The following GMDS variants were observed in gnomAD, a reference collection of about 807,000 sequenced individuals.
GMDS encodes GDP-mannose 4,6 dehydratase.
In GMDS, 20 loss-of-function variants were observed where a neutral mutation model predicts 49.9. The observed-to-expected ratio is 0.40, with a 90% CI of 0.28 to 0.58. The LOEUF (loss-of-function observed/expected upper bound fraction) is 0.58. GMDS is among the 20% of genes least tolerant of loss of function. The pLI, the probability that GMDS is intolerant of heterozygous loss-of-function variation, is 0.42. For synonymous variants in GMDS, 177 were observed against 178.6 expected (o/e 0.99, Z 0.07); for missense variants, 362 against 481.4 (o/e 0.75, Z 2.32).
chr6:2,102,772 A>C (rs935053487), intron 4 of GMDS, among the ~76,000 whole-genome samples: 2 of 152,242 alleles, frequency 1.3e-5, no homozygotes, highest in African/African-American at 4.8e-5. Flanking sequence ...ATTGTGACTA[A>C]TTCAATTATC....
chr6:2,162,602 C>CA (rs1190174703), intron 1 of GMDS, among the ~76,000 whole-genome samples: 1 of 149,820 alleles, frequency 6.7e-6, no homozygotes, highest in Non-Finnish European at 1.5e-5. Context: ...TTATTGCTAG[C>CA]AAAATTATTC....
chr6:1,677,851 C>T (rs2569849), intron 9 of GMDS, among the ~76,000 whole-genome samples: 31,021 of 150,870 alleles, frequency 0.21, 3,435 homozygotes, highest in East Asian at 0.49. Context: ...ATGTAAATGA[C>T]GCGTTAATGG....
At chr6:1,777,229 C>T (rs577816070) in intron 7 of GMDS, among the ~76,000 whole-genome samples, 37 of 152,364 alleles carry the variant, frequency 2.4e-4, no homozygotes, top group East Asian at 2.1e-3. Context: ...AGGGGAGACG[C>T]GCTGCTGCGC....
rs554038602 is a variant in GMDS, at chr6:1,841,342, A to C, written c.771+88761T>G. On this transcript the variant is annotated intron_variant, in intron 7 of 10. Coordinates refer to ENST00000380815, the MANE Select transcript of GMDS (RefSeq NM_001500.4). ...CTTTATGCAGGGAGGAGGTTGGCTTAAGCATATTTTAGTCCTTTGTAAGAA... is the reference window on the plus strand; with the variant it reads ...CTTTATGCAGGGAGGAGGTTGGCTTCAGCATATTTTAGTCCTTTGTAAGAA... Among the ~76,000 whole-genome samples, 4 of 152,344 alleles carry C rather than the reference A, an allele frequency of 2.6e-5. No individual in the cohort carries two copies. The South Asian group carries it at 8.3e-4, about 32-fold the overall frequency.
intron 7 of GMDS, among the ~76,000 whole-genome samples, chr6:1,847,850 C>T (rs909868493): frequency 3.3e-5 from 5 of 152,018 alleles, no homozygotes; most frequent in Admixed American, 6.5e-5. Flanking sequence ...TCTGGGTGTT[C>T]GAGTACACTG....
chr6:2,142,144 C>T (rs1312100358), intron 1 of GMDS, among the ~76,000 whole-genome samples: 1 of 152,110 alleles, frequency 6.6e-6, no homozygotes, highest in Non-Finnish European at 1.5e-5. Context: ...TTCAATTTTA[C>T]GTTTTTGTCC....
intron 2 of GMDS, among the ~76,000 whole-genome samples, chr6:2,122,524 T>G (rs926439874): frequency 6.8e-6 from 1 of 147,724 alleles, no homozygotes; most frequent in Non-Finnish European, 1.5e-5. Flanking sequence ...AATCAGGGAC[T>G]GCAGCTGATA....
At chr6:2,098,685 A>C (rs530180282) in intron 4 of GMDS, among the ~76,000 whole-genome samples, 1 of 152,330 alleles carries the variant, frequency 6.6e-6, no homozygotes, top group East Asian at 1.9e-4. Context: ...TTGGGGTTAA[A>C]CTATGGCTGA....
chr6:2,074,015 C>T (rs1772169884), intron 4 of GMDS, among the ~76,000 whole-genome samples: 2 of 152,106 alleles, frequency 1.3e-5, no homozygotes, highest in Admixed American at 6.6e-5. Context: ...AATTTCCTTT[C>T]CTTTGGATAG....
At chr6:2,017,583 A>G (rs1767989410) in intron 4 of GMDS, among the ~76,000 whole-genome samples, 1 of 152,200 alleles carries the variant, frequency 6.6e-6, no homozygotes. Context: ...TGCTGGAATT[A>G]CAGGTGTGAG....
intron 7 of GMDS, among the ~76,000 whole-genome samples, chr6:1,825,400 C>T (rs2113712663): frequency 6.6e-6 from 1 of 152,300 alleles, no homozygotes; most frequent in Admixed American, 6.5e-5. Flanking sequence ...TAAACACTGG[C>T]ATAATTGAGC....
chr6:1,691,182 A>G (rs1765156731), intron 9 of GMDS, among the ~76,000 whole-genome samples: 1 of 152,206 alleles, frequency 6.6e-6, no homozygotes, highest in African/African-American at 2.4e-5. Flanking sequence ...CGAAAACATA[A>G]AAAGGAATGA....
At chr6:1,643,637 C>T (rs971454551) in intron 9 of GMDS, among the ~76,000 whole-genome samples, 1 of 151,994 alleles carries the variant, frequency 6.6e-6, no homozygotes, top group Non-Finnish European at 1.5e-5. Flanking sequence ...GAGAGGTGAC[C>T]ACCTGGGCCA....
At chr6:2,160,153 T>G (rs565468360) in intron 1 of GMDS, among the ~76,000 whole-genome samples, 1 of 152,316 alleles carries the variant, frequency 6.6e-6, no homozygotes, top group South Asian at 2.1e-4. Context: ...AAAGTAGTAC[T>G]ATATTTTCCA....
chr6:2,140,946 C>A (rs1473764957), intron 1 of GMDS, among the ~76,000 whole-genome samples: 1 of 152,112 alleles, frequency 6.6e-6, no homozygotes, highest in Non-Finnish European at 1.5e-5. Flanking sequence ...GGAACCACCT[C>A]CTCTGGGAAG....
intron 9 of GMDS, chr6:1,717,482 G>A (rs74648587): frequency 0.014 from 2,195 of 152,232 alleles, 19 homozygotes; most frequent in Non-Finnish European, 0.022. Context: ...GGATCTCAGC[G>A]CCTGTCACAC....
At chr6:1,924,715 T>A (rs1161530229) in intron 7 of GMDS, among the ~76,000 whole-genome samples, 1 of 152,160 alleles carries the variant, frequency 6.6e-6, no homozygotes, top group Non-Finnish European at 1.5e-5. Context: ...TCAGAGGTTC[T>A]CTCCCTTAGT....
Position 1,878,182 on chromosome 6 carries a change from G to A in GMDS, c.771+51921C>T, listed in dbSNP as rs112587130. ...CACAAAAAATTAGCCAGGCGTGGTG[G>A]CGGGCACCTGTAGTCCCAGCTACTT... On this transcript the variant is annotated intron_variant, in intron 7 of 10. Transcript: ENST00000380815. 9.9e-3 allele frequency among the ~76,000 whole-genome samples: 1,499 copies of A among 152,090 alleles called. 8 individuals are homozygous for A. Among genetic ancestry groups the A allele is most frequent in the Middle Eastern group, 0.078 (23 of 294 alleles).
At chr6:1,706,247 G>T (rs936249070) in intron 9 of GMDS, among the ~76,000 whole-genome samples, 5 of 152,212 alleles carry the variant, frequency 3.3e-5, no homozygotes, top group African/African-American at 9.6e-5. Context: ...CACAGCTGAT[G>T]ATTCTGAGGG....
Sources: gnomAD v4.1 joint callset for allele counts (sites outside exome capture counted in the v4.1 genomes callset) on GRCh38, gnomAD v4.1.1 for gene constraint, MANE v1.5 for transcripts, NCBI Gene and HGNC (gene_info 2026-07-23, HGNC 2026-07-21) for gene names.